Variants in MFHAS1 observed in about 807,000 individuals in gnomAD.
MFHAS1 encodes the protein multifunctional ROCO family signaling regulator 1.
In MFHAS1, 50 loss-of-function variants were observed where a neutral mutation model predicts 70.4. That is an observed-to-expected ratio of 0.71 (90% CI 0.57 to 0.90). The LOEUF (loss-of-function observed/expected upper bound fraction) is 0.90, where lower values mean the gene tolerates loss of function less well. MFHAS1 is among the 40% of genes least tolerant of loss of function. The probability of loss-of-function intolerance (pLI) is 0.00; values close to 1 mark genes in which losing one functional copy is unlikely to be tolerated. For synonymous variants in MFHAS1, 952 were observed against 620.0 expected, an observed-to-expected ratio of 1.54 and a Z score of -7.96; for missense variants, 1,795 against 1,347.6, an observed-to-expected ratio of 1.33 and a Z score of -5.20.
intron 1 of MFHAS1, among the ~76,000 whole-genome samples, chr8:8,862,441 A>T (rs762014864): frequency 1.5e-4 from 23 of 151,212 alleles, no homozygotes; most frequent in Non-Finnish European, 2.8e-4. Flanking sequence ...CCTAGACTAT[A>T]GATTGTCTCT....
At chr8:8,815,086 A>C (rs545765667) in intron 1 of MFHAS1, among the ~76,000 whole-genome samples, 2 of 152,040 alleles carry the variant, frequency 1.3e-5, no homozygotes, top group African/African-American at 4.8e-5. Context: ...CTCATTGTTC[A>C]GCTCCCACTT....
chr8:8,850,694 G>C (rs1419910098), intron 1 of MFHAS1, among the ~76,000 whole-genome samples: 3 of 151,672 alleles, frequency 2.0e-5, no homozygotes, highest in Admixed American at 1.3e-4. Context: ...AATTAGCCTC[G>C]CTTGGTGGCG....
intron 1 of MFHAS1, among the ~76,000 whole-genome samples, chr8:8,803,865 CAGA>C (rs1349804038): frequency 6.6e-6 from 1 of 151,872 alleles, no homozygotes; most frequent in Non-Finnish European, 1.5e-5. Flanking sequence ...TCAGCTACTC[CAGA>C]AGCTGAGGCA....
At chr8:8,876,900 C>T (rs1463006664) in intron 1 of MFHAS1, among the ~76,000 whole-genome samples, 1 of 151,696 alleles carries the variant, frequency 6.6e-6, no homozygotes, top group East Asian at 1.9e-4. Flanking sequence ...TGCCACTGCA[C>T]TCCAGCCTGC....
At position 8,891,538 on chromosome 8, in the gene MFHAS1, A is replaced by G. The variant is rs142063688; in HGVS notation, c.1521T>C (p.Tyr507=). The change falls in exon 1 of 3, where the codon TAT becomes TAC. Residue 507 remains tyrosine (Y), a synonymous_variant. Transcript: ENST00000276282. This position sits in a 1 kb window ranked among gnomAD's most constrained non-coding sequence, Gnocchi z 5.4. ...CGGTGGTAGGAAAGTGGCGAGGCTC[A>G]TAGGTGGCCAAGTTGACCACCAGCA... ...LYVLVVNLAT[Y]EPRHFPTTVG... The G allele has an allele frequency of 3.1e-6, 5 of 1,613,000 alleles. No individual in the cohort carries two copies. The highest frequency in any genetic ancestry group is 2.5e-6 in the Non-Finnish European group (3 of 1,180,048).
chr8:8,875,801 C>G (rs1480230213), intron 1 of MFHAS1, among the ~76,000 whole-genome samples: 1 of 152,174 alleles, frequency 6.6e-6, no homozygotes, highest in Non-Finnish European at 1.5e-5. Context: ...CCATGTCAGA[C>G]TGCTCTCGAA....
At chr8:8,867,562 AC>A (rs1808906770) in intron 1 of MFHAS1, among the ~76,000 whole-genome samples, 1 of 151,436 alleles carries the variant, frequency 6.6e-6, no homozygotes, top group Admixed American at 6.6e-5. Context: ...AAATTGCTAT[AC>A]TTTTTTTTTT....
At chr8:8,873,725 C>A (rs1166014562) in intron 1 of MFHAS1, among the ~76,000 whole-genome samples, 1 of 152,110 alleles carries the variant, frequency 6.6e-6, no homozygotes, top group Non-Finnish European at 1.5e-5. Context: ...AACCACGCAG[C>A]GCGGGAAGAT....
chr8:8,815,698 T>C (rs191423909), intron 1 of MFHAS1, among the ~76,000 whole-genome samples: 3 of 152,282 alleles, frequency 2.0e-5, no homozygotes, highest in South Asian at 2.1e-4. Flanking sequence ...TAATCAATTG[T>C]TGCTGAGGAT....
intron 1 of MFHAS1, among the ~76,000 whole-genome samples, chr8:8,889,095 G>A (rs968049978): frequency 2.0e-5 from 3 of 150,534 alleles, no homozygotes; most frequent in East Asian, 1.9e-4. Flanking sequence ...GCTTATGATG[G>A]TTTAAAAAAA....
At position 8,867,353 on chromosome 8, in the gene MFHAS1, C is replaced by T. The variant is rs932751987; in HGVS notation, c.2998+22708G>A. Among the ~76,000 whole-genome samples the T allele has an allele frequency of 5.9e-5, 9 of 151,902 alleles. 1 individual carries two copies. Among genetic ancestry groups the T allele is most frequent in the Admixed American group, 3.9e-4 (6 of 15,256 alleles). ...TATGCTTCTTATGGTTCCTAAGATA[C>T]CAAAAATAAAATAAAACATTCCTAA... is the stretch of plus-strand genomic sequence containing the variant. On this transcript the variant is annotated intron_variant, in intron 1 of 2. Transcript: ENST00000276282.
chr8:8,801,111 A>T (rs2117265022), intron 1 of MFHAS1, among the ~76,000 whole-genome samples: 1 of 152,144 alleles, frequency 6.6e-6, no homozygotes, highest in East Asian at 1.9e-4. Context: ...GCTATTCAGG[A>T]GGCTGAGGCA....
At chr8:8,875,137 C>T (rs939584188) in intron 1 of MFHAS1, among the ~76,000 whole-genome samples, 1 of 152,202 alleles carries the variant, frequency 6.6e-6, no homozygotes, top group Non-Finnish European at 1.5e-5. Context: ...ACGTGCCCAT[C>T]CTCATGGGAA....
intron 1 of MFHAS1, among the ~76,000 whole-genome samples, chr8:8,873,281 T>C (rs1809158398): frequency 6.6e-6 from 1 of 152,204 alleles, no homozygotes; most frequent in East Asian, 1.9e-4. Context: ...TGACCAGCTC[T>C]GTTCGGCCAT....
At chr8:8,801,962 C>T (rs1806096750) in intron 1 of MFHAS1, among the ~76,000 whole-genome samples, 1 of 152,192 alleles carries the variant, frequency 6.6e-6, no homozygotes, top group South Asian at 2.1e-4. Flanking sequence ...AAGGACCCAG[C>T]AACTTTTGTT....
intron 1 of MFHAS1, among the ~76,000 whole-genome samples, chr8:8,839,169 T>C (rs1807712017): frequency 6.6e-6 from 1 of 151,780 alleles, no homozygotes; most frequent in African/African-American, 2.4e-5. Context: ...AAATTAAACC[T>C]GGGGAAGAGA....
intron 1 of MFHAS1, among the ~76,000 whole-genome samples, chr8:8,880,836 C>A (rs1809493080): frequency 1.3e-5 from 2 of 152,032 alleles, no homozygotes; most frequent in South Asian, 4.2e-4. Flanking sequence ...AGGCACACAC[C>A]ACCACACCTG....
chr8:8,840,461 CAAAAAAAAAAA>C (rs141909980), intron 1 of MFHAS1, among the ~76,000 whole-genome samples: 3 of 82,114 alleles, frequency 3.7e-5, no homozygotes, highest in East Asian at 4.8e-4. Flanking sequence ...CATCTCAATA[CAAAAAAAAAAA>C]AAAAAAAAAA....
intron 1 of MFHAS1, among the ~76,000 whole-genome samples, chr8:8,866,586 G>A (rs1281000924): frequency 6.6e-6 from 1 of 152,086 alleles, no homozygotes; most frequent in South Asian, 2.1e-4. Context: ...TCAAAGTTTT[G>A]GGATTACAGG....
Sources: gnomAD v4.1 joint callset for allele counts (sites outside exome capture counted in the v4.1 genomes callset) on GRCh38, gnomAD v4.1.1 for gene constraint, Gnocchi (gnomAD v3.1) non-coding constraint, MANE v1.5 for transcripts, NCBI Gene and HGNC (gene_info 2026-07-23, HGNC 2026-07-21) for gene names.